The following ITPR2 variants were observed in gnomAD, a reference collection of about 807,000 sequenced individuals.
ITPR2 encodes inositol 1,4,5-trisphosphate receptor type 2, also known as inositol 1,4,5-trisphosphate-gated calcium channel ITPR2.
A neutral mutation model predicts 317.1 loss-of-function variants in ITPR2; 207 were observed. The observed-to-expected ratio is 0.65, with a 90% CI of 0.58 to 0.73. ITPR2 has a LOEUF of 0.73. Ranked by LOEUF, ITPR2 falls within the 30% of genes least tolerant of loss-of-function variation. ITPR2 has a pLI of 0.00. For synonymous variants in ITPR2, 1,156 were observed against 1,149.1 expected (o/e 1.01, Z -0.12); for missense variants, 2,613 against 3,284.0 (o/e 0.80, Z 4.99).
intron 55 of ITPR2, among the ~76,000 whole-genome samples, chr12:26,369,152 G>A (rs1939106786): frequency 1.3e-5 from 2 of 152,226 alleles, no homozygotes; most frequent in Admixed American, 1.3e-4. Context: ...ATGAATGGGA[G>A]GAAAGGGCAG....
intron 23 of ITPR2, among the ~76,000 whole-genome samples, chr12:26,625,682 T>A (rs1040319483): frequency 2.0e-5 from 3 of 152,212 alleles, no homozygotes; most frequent in Non-Finnish European, 2.9e-5. Context: ...ATAGATCATA[T>A]ATACATACAT....
chr12:26,492,735 T>G lies in ITPR2; in HGVS notation c.5370+1418A>C, dbSNP rs571275710. Among the ~76,000 whole-genome samples the G allele has an allele frequency of 2.0e-5, 3 of 152,262 alleles. No homozygotes were observed. In the South Asian group the frequency reaches 6.2e-4, roughly 32 times the overall value. On this transcript the variant is annotated intron_variant, in intron 39 of 56. Coordinates refer to ENST00000381340, the MANE Select transcript of ITPR2 (RefSeq NM_002223.4). ...TTCAGTTAAACAGGAGGAGTAAGTT[T>G]TGGTGTTCTACTGTAAAGCAAGGCA... is the stretch of plus-strand genomic sequence containing the variant.
intron 49 of ITPR2, among the ~76,000 whole-genome samples, chr12:26,424,549 T>C (rs1940987880): frequency 1.3e-5 from 2 of 151,770 alleles, no homozygotes; most frequent in Non-Finnish European, 1.5e-5. Context: ...GATAGCTTTG[T>C]AGTGAACTTG....
intron 49 of ITPR2, among the ~76,000 whole-genome samples, chr12:26,420,688 C>T (rs1023297258): frequency 6.6e-6 from 1 of 152,026 alleles, no homozygotes; most frequent in Non-Finnish European, 1.5e-5. Flanking sequence ...ATATCTTATG[C>T]TATTATTAAG....
chr12:26,546,280 A>G lies in ITPR2; in HGVS notation c.5073+3967T>C, dbSNP rs190418274. Among the ~76,000 whole-genome samples, 12 of 152,314 alleles carry G rather than the reference A, an allele frequency of 7.9e-5. No homozygotes were observed. The East Asian group carries it at 2.3e-3, about 29-fold the overall frequency. On this transcript the variant is annotated intron_variant, in intron 37 of 56. Transcript: ENST00000381340. ...TAGTCACCCTACTCTGCTATCAAACATTGAATTTATTCCTTCTGTCATACT... is the reference window on the plus strand; with the variant it reads ...TAGTCACCCTACTCTGCTATCAAACGTTGAATTTATTCCTTCTGTCATACT...
At chr12:26,568,230 G>C (rs978805860) in intron 34 of ITPR2, among the ~76,000 whole-genome samples, 8 of 150,880 alleles carry the variant, frequency 5.3e-5, no homozygotes, top group Non-Finnish European at 3.0e-5. Flanking sequence ...CTTGTTCCTA[G>C]TTCACTTCTA....
chr12:26,603,343 A>T (rs1946048961), intron 26 of ITPR2, among the ~76,000 whole-genome samples: 1 of 152,238 alleles, frequency 6.6e-6, no homozygotes, highest in Non-Finnish European at 1.5e-5. Context: ...CACCAAAGAT[A>T]CTTAATTATA....
chr12:26,707,986 T>C (rs1948585617), intron 9 of ITPR2, among the ~76,000 whole-genome samples: 1 of 151,394 alleles, frequency 6.6e-6, no homozygotes. Context: ...GGCAAACAAA[T>C]ATATAAAAAA....
At chr12:26,351,314 T>G (rs1938478395) in intron 55 of ITPR2, among the ~76,000 whole-genome samples, 1 of 152,196 alleles carries the variant, frequency 6.6e-6, no homozygotes. Context: ...GGGCCCAATC[T>G]GTCAAAGGTC....
intron 32 of ITPR2, among the ~76,000 whole-genome samples, chr12:26,584,603 C>T (rs903300858): frequency 7.9e-5 from 12 of 152,116 alleles, no homozygotes; most frequent in African/African-American, 2.9e-4. Context: ...TACAGAACTT[C>T]CTATAATGAT....
At chr12:26,775,408 A>C (rs1442530446) in intron 2 of ITPR2, among the ~76,000 whole-genome samples, 1 of 152,206 alleles carries the variant, frequency 6.6e-6, no homozygotes, top group Non-Finnish European at 1.5e-5. Flanking sequence ...CAGGTTCTCC[A>C]CTTGATTCCA....
At chr12:26,680,473 T>A (rs957786326) in intron 13 of ITPR2, among the ~76,000 whole-genome samples, 14 of 152,346 alleles carry the variant, frequency 9.2e-5, no homozygotes, top group Admixed American at 6.5e-4. Context: ...TAAATTTTTT[T>A]AACTCTTCAT....
intron 54 of ITPR2, among the ~76,000 whole-genome samples, chr12:26,397,081 G>C (rs1316655836): frequency 6.6e-6 from 1 of 151,104 alleles, no homozygotes. Context: ...AAGCTGCCAT[G>C]GTGCTCTAAA....
intron 21 of ITPR2, among the ~76,000 whole-genome samples, chr12:26,653,664 C>T (rs1334003786): frequency 6.6e-6 from 1 of 152,170 alleles, no homozygotes; most frequent in South Asian, 2.1e-4. Context: ...ATTGCTTGAA[C>T]CACATGACCA....
intron 2 of ITPR2, among the ~76,000 whole-genome samples, chr12:26,770,662 C>T (rs2137148834): frequency 1.3e-5 from 2 of 152,300 alleles, no homozygotes; most frequent in East Asian, 3.9e-4. Flanking sequence ...GTTACTCCTC[C>T]CCCATCCCAT....
chr12:26,693,101 G>A (rs1411496843), intron 10 of ITPR2, among the ~76,000 whole-genome samples: 2 of 152,098 alleles, frequency 1.3e-5, no homozygotes, highest in Non-Finnish European at 2.9e-5. Flanking sequence ...GTATTCTGGA[G>A]AGGAAAAAAA....
chr12:26,599,321 G>C lies in ITPR2; in HGVS notation c.3826C>G (p.His1276Asp). 6.2e-7 allele frequency: 1 copy of C among 1,614,024 alleles called. No individual in the cohort carries two copies. Among genetic ancestry groups the C allele is most frequent in the Non-Finnish European group, 8.5e-7 (1 of 1,179,906 alleles). ...AGATGGTAATTGTTCATGAAGATGT[G>C]CCGCATGGTTTCTGCTTCAAGGAGC... is the stretch of plus-strand genomic sequence containing the variant. ...PGLLEAETMR[H>D]IFMNNYHLCN... Residue 1276 changes from histidine to aspartate, a missense_variant, in exon 30 of 57, where the codon CAC becomes GAC. This residue lies in a region of ITPR2 where 817 missense variants were observed against 897.6 expected (regional missense o/e 0.91). Coordinates refer to ENST00000381340, the MANE Select transcript of ITPR2 (RefSeq NM_002223.4).
intron 37 of ITPR2, among the ~76,000 whole-genome samples, chr12:26,540,921 G>A (rs972811506): frequency 2.6e-5 from 4 of 152,104 alleles, no homozygotes; most frequent in Admixed American, 2.0e-4. Flanking sequence ...GGAAGAGCAT[G>A]CTAATAATGT....
At chr12:26,424,551 G>A (rs1243321763) in intron 49 of ITPR2, among the ~76,000 whole-genome samples, 1 of 148,600 alleles carries the variant, frequency 6.7e-6, no homozygotes, top group Non-Finnish European at 1.5e-5. Context: ...TAGCTTTGTA[G>A]TGAACTTGTT....
Sources: allele counts gnomAD v4.1 joint callset (sites outside exome capture counted in the v4.1 genomes callset), GRCh38; gene constraint gnomAD v4.1.1; regional missense constraint gnomAD v4.1.1; transcripts MANE v1.5; gene names NCBI Gene and HGNC (gene_info 2026-07-23, HGNC 2026-07-21).